FMN2: variants seen among roughly 807,000 people sequenced by gnomAD.
FMN2 encodes the protein formin-2.
FMN2 carries 51 observed loss-of-function variants against 142.3 expected under a neutral mutation model. That is an observed-to-expected ratio of 0.36 (90% CI 0.29 to 0.45). The LOEUF (loss-of-function observed/expected upper bound fraction) is 0.45. FMN2 is among the 20% of genes least tolerant of loss of function. The probability of loss-of-function intolerance (pLI) is 1.00; values close to 1 mark genes in which losing one functional copy is unlikely to be tolerated. For missense variants in FMN2, 1,936 were observed against 2,122.8 expected (o/e 0.91, Z 1.73); for synonymous variants, 882 against 869.8 (o/e 1.01, Z -0.25).
chr1:240,391,278 G>A (rs576637550), intron 14 of FMN2, among the ~76,000 whole-genome samples: 7 of 152,284 alleles, frequency 4.6e-5, no homozygotes, highest in African/African-American at 1.4e-4. Flanking sequence ...GTGACACTGG[G>A]TTATGACTTT....
intron 1 of FMN2, among the ~76,000 whole-genome samples, chr1:240,110,920 GA>G (rs145497786): frequency 0.031 from 4,698 of 152,152 alleles, 184 homozygotes; most frequent in African/African-American, 0.098. Flanking sequence ...AAACTTGGTG[GA>G]TGAAGATATT....
At chr1:240,140,529 A>G (rs1156414699) in intron 2 of FMN2, among the ~76,000 whole-genome samples, 1 of 152,182 alleles carries the variant, frequency 6.6e-6, no homozygotes, top group Non-Finnish European at 1.5e-5. Context: ...TCCTTTGGAT[A>G]TATAGTCTGT....
At chr1:240,301,546 CT>C (rs1670197336) in intron 8 of FMN2, among the ~76,000 whole-genome samples, 1 of 151,788 alleles carries the variant, frequency 6.6e-6, no homozygotes, top group South Asian at 2.1e-4. Context: ...GAAAACACAT[CT>C]TTTCAGTGAT....
At chr1:240,228,218 G>A (rs1290555994) in intron 6 of FMN2, among the ~76,000 whole-genome samples, 7 of 145,242 alleles carry the variant, frequency 4.8e-5, no homozygotes, top group African/African-American at 1.5e-4. Context: ...CAGGAGAATC[G>A]CTTGAACCCA....
intron 7 of FMN2, among the ~76,000 whole-genome samples, chr1:240,293,680 A>G (rs1371104799): frequency 6.6e-6 from 1 of 152,142 alleles, no homozygotes; most frequent in Non-Finnish European, 1.5e-5. Flanking sequence ...ACTCTTAGAT[A>G]TGTATTTCAC....
intron 2 of FMN2, among the ~76,000 whole-genome samples, chr1:240,124,033 A>G (rs1483334483): frequency 1.3e-5 from 2 of 152,204 alleles, no homozygotes; most frequent in Non-Finnish European, 2.9e-5. Context: ...ATCATATTCC[A>G]TTGTATGTAT....
chr1:240,420,388 G>T (rs926216855), intron 15 of FMN2, among the ~76,000 whole-genome samples: 1 of 152,166 alleles, frequency 6.6e-6, no homozygotes, highest in Non-Finnish European at 1.5e-5. Context: ...TAAGAGAAGA[G>T]CCTCTTCCTG....
intron 14 of FMN2, among the ~76,000 whole-genome samples, chr1:240,364,974 G>A (rs1305190862): frequency 6.6e-6 from 1 of 152,174 alleles, no homozygotes; most frequent in African/African-American, 2.4e-5. Context: ...CTCTATGAAT[G>A]AGTGCTGGGA....
intron 15 of FMN2, among the ~76,000 whole-genome samples, chr1:240,416,712 G>A (rs1486566969): frequency 1.3e-5 from 2 of 150,010 alleles, no homozygotes; most frequent in Non-Finnish European, 3.0e-5. Flanking sequence ...TATTTTATTG[G>A]TCTTTGAAAG....
chr1:240,410,917 T>C (rs761637661), intron 15 of FMN2, among the ~76,000 whole-genome samples: 1 of 152,152 alleles, frequency 6.6e-6, no homozygotes, highest in South Asian at 2.1e-4. Context: ...TCTCTTATAT[T>C]TTTCTCAGCT....
Position 240,334,374 on chromosome 1 carries a change from C to T in FMN2, c.4765+145C>T, listed in dbSNP as rs182311376. ...GTGTGTGGCGAAAGAACAATTTTGC[C>T]TATATTCTTATTCTTTGGTTGTTTA... On this transcript the variant is annotated intron_variant, in intron 13 of 17. Coordinates refer to ENST00000319653, the MANE Select transcript of FMN2 (RefSeq NM_020066.5). The T allele has an allele frequency of 7.6e-5, 75 of 987,906 alleles. No individual in the cohort carries two copies. The South Asian group carries it at 2.0e-3, about 26-fold the overall frequency. The allele number at this position is 987,906 out of a possible 1,614,324, so 61.2% of individuals were successfully genotyped here.
At chr1:240,301,744 G>GTAT (rs1271920360) in intron 8 of FMN2, among the ~76,000 whole-genome samples, 1 of 151,646 alleles carries the variant, frequency 6.6e-6, no homozygotes, top group African/African-American at 2.4e-5. Context: ...TTGTTACTTT[G>GTAT]TATTAATACA....
At chr1:240,163,675 G>C (rs1443608414) in intron 2 of FMN2, among the ~76,000 whole-genome samples, 1 of 151,840 alleles carries the variant, frequency 6.6e-6, no homozygotes, top group Non-Finnish European at 1.5e-5. Flanking sequence ...GTATAACTAA[G>C]TCCATTTACA....
chr1:240,293,613 A>C (rs1325050576), intron 7 of FMN2, among the ~76,000 whole-genome samples: 1 of 152,168 alleles, frequency 6.6e-6, no homozygotes, highest in African/African-American at 2.4e-5. Context: ...GAAACATTAA[A>C]GTTCACGATA....
At chr1:240,130,895 A>G (rs1159231616) in intron 2 of FMN2, among the ~76,000 whole-genome samples, 1 of 151,852 alleles carries the variant, frequency 6.6e-6, no homozygotes, top group East Asian at 1.9e-4. Flanking sequence ...TGTACTTCTC[A>G]GCTCCCTCTT....
chr1:240,410,950 A>G (rs1358877879), intron 15 of FMN2, among the ~76,000 whole-genome samples: 1 of 152,170 alleles, frequency 6.6e-6, no homozygotes, highest in Non-Finnish European at 1.5e-5. Context: ...ACTTTCTACC[A>G]TGGTTTTCAG....
intron 1 of FMN2, 38 bp from the exon 2 acceptor site, chr1:240,123,141 G>A (rs370186187): frequency 6.2e-6 from 10 of 1,610,152 alleles, no homozygotes; most frequent in South Asian, 2.2e-5. Context: ...CCAGGTGATC[G>A]GCAGTGCTCG....
intron 8 of FMN2, among the ~76,000 whole-genome samples, chr1:240,313,446 C>T (rs1170100437): frequency 2.0e-5 from 3 of 151,964 alleles, no homozygotes; most frequent in African/African-American, 7.3e-5. Flanking sequence ...TGTGATTGAA[C>T]CAGAAGATAT....
chr1:240,265,976 C>T (rs1572134199), intron 7 of FMN2, among the ~76,000 whole-genome samples: 2 of 133,520 alleles, frequency 1.5e-5, no homozygotes, highest in South Asian at 2.4e-4. Context: ...AAGTCTTTGT[C>T]CATGGGACAA....
Sources: allele counts gnomAD v4.1 joint callset (sites outside exome capture counted in the v4.1 genomes callset), GRCh38; gene constraint gnomAD v4.1.1; transcripts MANE v1.5; gene names NCBI Gene and HGNC (gene_info 2026-07-23, HGNC 2026-07-21).